Variants in STAT4 observed in about 807,000 individuals in gnomAD.
STAT4 encodes the protein signal transducer and activator of transcription 4.
In STAT4, 42 loss-of-function variants were observed where a neutral mutation model predicts 110.5. That is an observed-to-expected ratio of 0.38 (90% CI 0.30 to 0.49). STAT4 has a LOEUF of 0.49. Ranked by LOEUF, STAT4 falls within the 20% of genes least tolerant of loss-of-function variation. The probability of loss-of-function intolerance (pLI) is 0.95; values close to 1 mark genes in which losing one functional copy is unlikely to be tolerated. For synonymous variants in STAT4, 284 were observed against 302.2 expected (o/e 0.94, Z 0.63); for missense variants, 632 against 887.9 (o/e 0.71, Z 3.66).
chr2:191,087,309 A>G (rs1016686996), intron 3 of STAT4, among the ~76,000 whole-genome samples: 5 of 152,288 alleles, frequency 3.3e-5, no homozygotes, highest in African/African-American at 1.2e-4. Flanking sequence ...CTTGCCTTTT[A>G]ATGCGTGAAA....
chr2:191,092,674 G>C (rs1382981280), intron 3 of STAT4, among the ~76,000 whole-genome samples: 1 of 152,172 alleles, frequency 6.6e-6, no homozygotes, highest in Non-Finnish European at 1.5e-5. Flanking sequence ...GAGGTACCTG[G>C]TTCATCTCAT....
In STAT4 at chr2:191,042,771, TTC is replaced by T; in HGVS notation, c.1252-1625_1252-1624del. ...GTGATGCTTAAATTCATTCATTGTA[TTC>T]TCTCTTTTTTTTTTTTCTTTTTTGA... On this transcript the variant is annotated intron_variant, in intron 14 of 23. Coordinates refer to ENST00000392320, the MANE Select transcript of STAT4 (RefSeq NM_003151.4). The surrounding 1 kb of genome is among the most constrained non-coding windows in gnomAD (Gnocchi z 4.2). Among the ~76,000 whole-genome samples, 1 of 144,626 alleles carries T rather than the reference TTC, an allele frequency of 6.9e-6. No homozygotes were observed. Among genetic ancestry groups the T allele is most frequent in the Non-Finnish European group, 1.5e-5 (1 of 66,830 alleles). The allele number at this position is 144,626 out of a possible 152,430, so 94.9% of individuals were successfully genotyped here.
At chr2:191,044,576 T>C (rs1357016873) in intron 14 of STAT4, among the ~76,000 whole-genome samples, 1 of 152,110 alleles carries the variant, frequency 6.6e-6, no homozygotes, top group Non-Finnish European at 1.5e-5. Flanking sequence ...GAGGAAGACA[T>C]GAACCCAGCC....
At chr2:191,067,559 G>A (rs1166454841) in intron 6 of STAT4, among the ~76,000 whole-genome samples, 1 of 152,058 alleles carries the variant, frequency 6.6e-6, no homozygotes, top group Non-Finnish European at 1.5e-5. Context: ...CCTGAGCATT[G>A]GGTCCATTCA....
intron 3 of STAT4, among the ~76,000 whole-genome samples, chr2:191,084,180 T>G (rs1021420288): frequency 6.6e-6 from 1 of 152,082 alleles, no homozygotes; most frequent in Admixed American, 6.5e-5. Flanking sequence ...GAGACTCGCT[T>G]GAACCCAGGA....
chr2:191,060,263 T>C lies in STAT4; in HGVS notation c.1034+1466A>G, dbSNP rs1574718365. ...TCCCCTTTTGTCCCAGAGAGCATCT[T>C]AGACTTACTATATCATCTATAGGAG... On this transcript the variant is annotated intron_variant, in intron 10 of 23. Transcript: ENST00000392320. The surrounding 1 kb of genome is among the most constrained non-coding windows in gnomAD (Gnocchi z 4.5). Among the ~76,000 whole-genome samples, 1 of 152,202 alleles carries C rather than the reference T, an allele frequency of 6.6e-6. No homozygotes were observed. The highest frequency in any genetic ancestry group is 1.5e-5 in the Non-Finnish European group (1 of 68,034).
rs1226727528 is a variant in STAT4 at position 191,093,058 on chromosome 2, C to T, written c.274-16733G>A. Among the ~76,000 whole-genome samples the T allele has an allele frequency of 1.1e-4, 17 of 152,262 alleles. No individual in the cohort carries two copies. The East Asian group carries it at 1.2e-3, about 10-fold the overall frequency. On this transcript the variant is annotated intron_variant, in intron 3 of 23. Coordinates refer to ENST00000392320, the MANE Select transcript of STAT4 (RefSeq NM_003151.4). ...AGCAGCTGGGGAAGTTTGAACTGGG[C>T]GGATCCCACAACAGATCTGCAAGGC...
Position 191,099,151 on chromosome 2 carries a change from A to G in STAT4, c.274-22826T>C, listed in dbSNP as rs983448030. On this transcript the variant is annotated intron_variant, in intron 3 of 23. Coordinates refer to ENST00000392320, the MANE Select transcript of STAT4 (RefSeq NM_003151.4). The surrounding 1 kb of genome is among the most constrained non-coding windows in gnomAD (Gnocchi z 4.1). Reference sequence around the variant, plus strand: ...TAGTTAGGAAAAAAGCAAATTTAAAATAAAGACAGAGATAGTATTTCCCAA... The same window carrying G: ...TAGTTAGGAAAAAAGCAAATTTAAAGTAAAGACAGAGATAGTATTTCCCAA... Among the ~76,000 whole-genome samples, 5 of 152,092 alleles carry G rather than the reference A, an allele frequency of 3.3e-5. No homozygotes were observed. The highest frequency in any genetic ancestry group is 1.2e-4 in the African/African-American group (5 of 41,446).
chr2:191,149,358 A>C (rs1699535905), intron 1 of STAT4, among the ~76,000 whole-genome samples: 1 of 152,234 alleles, frequency 6.6e-6, no homozygotes, highest in South Asian at 2.1e-4. Flanking sequence ...ATTTATAAAA[A>C]AACGTGTTGC....
chr2:191,101,010 A>C (rs1698136179), intron 3 of STAT4, among the ~76,000 whole-genome samples: 1 of 151,674 alleles, frequency 6.6e-6, no homozygotes, highest in African/African-American at 2.4e-5. Flanking sequence ...AGCCACTTTT[A>C]CCTCTTTTAG....
rs373367489 is a variant in STAT4, at chr2:191,149,760, AT to A, written c.-2+1186del. Among the ~76,000 whole-genome samples the A allele has an allele frequency of 4.7e-3, 712 of 152,330 alleles. 3 individuals are homozygous for A. Among genetic ancestry groups the A allele is most frequent in the African/African-American group, 0.017 (691 of 41,576 alleles). The stretch of plus-strand genomic sequence containing the variant: ...CATTTGTTCTCATGCTACTATCAAC[AT>A]TGTCCTATCTATCAATTTATTTTAG... On this transcript the variant is annotated intron_variant, in intron 1 of 23. Transcript: ENST00000392320.
chr2:191,125,476 T>TTTTTTATTATTATTATTA (rs141291456), intron 3 of STAT4, among the ~76,000 whole-genome samples: 14 of 138,002 alleles, frequency 1.0e-4, no homozygotes, highest in Admixed American at 2.3e-4. Flanking sequence ...ATCCTCATTA[T>TTTTTTATTATTATTATTA]TTATTATTAT....
At chr2:191,081,985 G>A (rs188611444) in intron 3 of STAT4, among the ~76,000 whole-genome samples, 50 of 152,270 alleles carry the variant, frequency 3.3e-4, no homozygotes, top group Middle Eastern at 3.4e-3. Context: ...ATAAATTGAT[G>A]TTGTACATCT....
rs1696846368 is a variant in STAT4, at chr2:191,061,472, CATTGTGCCTGAT to C, written c.1034+245_1034+256del. On this transcript the variant is annotated intron_variant, in intron 10 of 23. Transcript: ENST00000392320. The surrounding 1 kb of genome is among the most constrained non-coding windows in gnomAD (Gnocchi z 6.2). ...AGTCAACCTTTTCAGCAATTAATTTCATTGTGCCTGATATTATGATTCCATACTTTCAGGCTA... is the reference window on the plus strand; with the variant it reads ...AGTCAACCTTTTCAGCAATTAATTTCATTATGATTCCATACTTTCAGGCTA... 1.3e-5 allele frequency among the ~76,000 whole-genome samples: 2 copies of C among 152,186 alleles called. No individual in the cohort carries two copies.
At chr2:191,088,916 C>T (rs1697712333) in intron 3 of STAT4, among the ~76,000 whole-genome samples, 1 of 152,092 alleles carries the variant, frequency 6.6e-6, no homozygotes, top group Non-Finnish European at 1.5e-5. Context: ...CTTTCACCTC[C>T]CACAAAAAAT....
chr2:191,091,220 ACT>A lies in STAT4; in HGVS notation c.274-14897_274-14896del, dbSNP rs549923178. ...AAATTATATTTCTAGAAAAAAAGAG[ACT>A]CATACAAATTCTAGAATGAATACAC... On this transcript the variant is annotated intron_variant, in intron 3 of 23. Transcript: ENST00000392320. This position sits in a 1 kb window ranked among gnomAD's most constrained non-coding sequence, Gnocchi z 5.4. 4.6e-5 allele frequency among the ~76,000 whole-genome samples: 7 copies of A among 152,154 alleles called. No homozygotes were observed. Among genetic ancestry groups the A allele is most frequent in the Non-Finnish European group, 8.8e-5 (6 of 68,018 alleles).
intron 3 of STAT4, among the ~76,000 whole-genome samples, chr2:191,127,573 T>G (rs1698915736): frequency 6.6e-6 from 1 of 152,238 alleles, no homozygotes; most frequent in South Asian, 2.1e-4. Flanking sequence ...TAAGCACTCT[T>G]CACTTTATGC....
intron 14 of STAT4, among the ~76,000 whole-genome samples, chr2:191,044,029 CGGGGGTGGGGT>C (rs1418849384): frequency 1.0e-4 from 3 of 28,782 alleles, no homozygotes; most frequent in Non-Finnish European, 1.3e-4. Flanking sequence ...GGATTAAAGG[CGGGGGTGGGGT>C]GGGGGTACCA....
Position 191,058,882 on chromosome 2 carries a change from T to A in STAT4, c.1035-113A>T. 1 of 615,882 alleles carries A rather than the reference T, an allele frequency of 1.6e-6. No homozygotes were observed. The highest frequency in any genetic ancestry group is 2.2e-5 in the South Asian group (1 of 45,536). 38.2% of individuals were successfully genotyped at this position (615,882 alleles called of 1,614,324 possible). Reference sequence around the variant, plus strand: ...TATGAAATATGCATATAAATAAACCTTACATTATCTACAGTTATATGTTAG... The same window carrying A: ...TATGAAATATGCATATAAATAAACCATACATTATCTACAGTTATATGTTAG... On this transcript the variant is annotated intron_variant, in intron 10 of 23. Coordinates refer to ENST00000392320, the MANE Select transcript of STAT4 (RefSeq NM_003151.4). This position sits in a 1 kb window ranked among gnomAD's most constrained non-coding sequence, Gnocchi z 4.3.
Sources: allele counts gnomAD v4.1 joint callset (sites outside exome capture counted in the v4.1 genomes callset), GRCh38; gene constraint gnomAD v4.1.1; non-coding constraint Gnocchi (gnomAD v3.1); transcripts MANE v1.5; gene names NCBI Gene and HGNC (gene_info 2026-07-23, HGNC 2026-07-21).